ATG7: variants seen among roughly 807,000 people sequenced by gnomAD.
ATG7 encodes autophagy related 7, also known as ubiquitin-like modifier-activating enzyme ATG7.
A neutral mutation model predicts 82.4 loss-of-function variants in ATG7; 70 were observed. That is an observed-to-expected ratio of 0.85 (90% CI 0.70 to 1.04). The LOEUF is 1.04. Ranked by LOEUF, ATG7 falls within the 50% of genes least tolerant of loss-of-function variation. The pLI is 0.00. For synonymous variants in ATG7, 287 were observed against 313.0 expected, an observed-to-expected ratio of 0.92 and a Z score of 0.88; for missense variants, 792 against 864.3, an observed-to-expected ratio of 0.92 and a Z score of 1.05.
At chr3:11,509,678 G>C (rs1287859939) in intron 20 of ATG7, among the ~76,000 whole-genome samples, 1 of 151,956 alleles carries the variant, frequency 6.6e-6, no homozygotes, top group Non-Finnish European at 1.5e-5. Flanking sequence ...CTAATTTTAA[G>C]ATGTGATTCA....
intron 18 of ATG7, among the ~76,000 whole-genome samples, chr3:11,370,248 G>A (rs947077684): frequency 6.6e-6 from 1 of 151,162 alleles, no homozygotes. Context: ...GAGAGGGAGT[G>A]GTTGGGAAGA....
chr3:11,548,791 GC>G (rs139529560), intron 20 of ATG7, among the ~76,000 whole-genome samples: 29,832 of 152,078 alleles, frequency 0.2, 3,151 homozygotes, highest in Middle Eastern at 0.26. Context: ...GGCCTCTTGG[GC>G]CTGTTCCCAG....
At chr3:11,512,938 A>G (rs2092128446) in intron 20 of ATG7, among the ~76,000 whole-genome samples, 1 of 152,142 alleles carries the variant, frequency 6.6e-6, no homozygotes, top group South Asian at 2.1e-4. Flanking sequence ...AAGTTCTCCA[A>G]GTCCCCACTA....
chr3:11,553,405 AATGG>A lies in ATG7; in HGVS notation c.2080-1399_2080-1396del, dbSNP rs2072021929. Among the ~76,000 whole-genome samples the A allele has an allele frequency of 8.1e-5, 9 of 110,670 alleles. No individual in the cohort carries two copies. In the South Asian group the frequency reaches 3.4e-3, roughly 42 times the overall value. The allele number at this position is 110,670 out of a possible 152,430, so 72.6% of individuals were successfully genotyped here. A position where few individuals can be genotyped will look rare whatever the true frequency, so the allele number is the denominator to read the frequency against. ...TGTTCGTTGAATGGGAGAGTGAAAG[AATGG>A]ATGGATTGTGCTGGCAAACCCTCCA... On this transcript the variant is annotated intron_variant, in intron 20 of 20. Transcript: ENST00000693202.
intron 20 of ATG7, among the ~76,000 whole-genome samples, chr3:11,550,282 G>A (rs987608905): frequency 2.0e-5 from 3 of 151,674 alleles, no homozygotes; most frequent in African/African-American, 7.3e-5. Flanking sequence ...CCTTTATTAT[G>A]AGTAGGGCTG....
the ATG7 span, among the ~76,000 whole-genome samples, chr3:11,570,455 C>T: frequency 1.3e-5 from 2 of 152,200 alleles, no homozygotes; most frequent in Non-Finnish European, 2.9e-5. Flanking sequence ...CAGGGGACCC[C>T]GGTCCCTGGC....
chr3:11,338,766 G>A lies in ATG7; in HGVS notation c.890-1879G>A, dbSNP rs193228294. ...TGTTTTCTGGCTTCTTGCTGTGAAT[G>A]ATACCCTCAGCCAAACTGGGGCCCA... On this transcript the variant is annotated intron_variant, in intron 11 of 20. Coordinates refer to ENST00000693202, the MANE Select transcript of ATG7 (RefSeq NM_001349232.2). 9.8e-5 allele frequency among the ~76,000 whole-genome samples: 15 copies of A among 152,330 alleles called. No homozygotes were observed. In the East Asian group the frequency reaches 2.9e-3, roughly 29 times the overall value.
intron 19 of ATG7, among the ~76,000 whole-genome samples, chr3:11,401,466 C>T (rs1486257846): frequency 6.6e-6 from 1 of 152,146 alleles, no homozygotes; most frequent in Admixed American, 6.5e-5. Flanking sequence ...AAGTGAGATT[C>T]GTATATAACA....
chr3:11,379,579 G>A (rs1202043148), intron 18 of ATG7, among the ~76,000 whole-genome samples: 1 of 152,140 alleles, frequency 6.6e-6, no homozygotes, highest in East Asian at 1.9e-4. Context: ...ATAGAAATGT[G>A]TATTTACCCC....
Position 11,313,436 on chromosome 3 carries a change from CA to C in ATG7, c.528+20del. The C allele has an allele frequency of 6.5e-7, 1 of 1,549,966 alleles. No individual in the cohort carries two copies. The highest frequency in any genetic ancestry group is 8.9e-7 in the Non-Finnish European group (1 of 1,129,882). On this transcript the variant is annotated intron_variant, in intron 8 of 20. Coordinates refer to ENST00000693202, the MANE Select transcript of ATG7 (RefSeq NM_001349232.2). Reference sequence around the variant, plus strand: ...ACTAAAACAGGTATCAACAAATAACCAAAATGCACATAAAATTGGGTTGAAT... The same window carrying C: ...ACTAAAACAGGTATCAACAAATAACCAAATGCACATAAAATTGGGTTGAAT...
intron 19 of ATG7, among the ~76,000 whole-genome samples, chr3:11,419,511 G>A (rs186009549): frequency 2.1e-3 from 322 of 152,190 alleles, no homozygotes; most frequent in Non-Finnish European, 3.6e-3. Flanking sequence ...CCAAGATCAC[G>A]TCACTGTACT....
chr3:11,559,598 C>T (rs574607644), downstream of ATG7: 2 of 1,291,114 alleles, frequency 1.5e-6, no homozygotes, highest in South Asian at 3.4e-5. Context: ...TACTGGAGTC[C>T]TGTTGCTAAA....
At chr3:11,562,374 TG>T (rs1287662338), downstream of ATG7, among the ~76,000 whole-genome samples, 1 of 152,170 alleles carries the variant, frequency 6.6e-6, no homozygotes, top group African/African-American at 2.4e-5. Context: ...CCCAGAGATC[TG>T]AGACACATTT....
At chr3:11,445,615 G>A (rs1466973773) in intron 20 of ATG7, among the ~76,000 whole-genome samples, 1 of 152,092 alleles carries the variant, frequency 6.6e-6, no homozygotes, top group Non-Finnish European at 1.5e-5. Flanking sequence ...TAATCTGTAC[G>A]ACAAGTCCCC....
intron 19 of ATG7, among the ~76,000 whole-genome samples, chr3:11,422,258 G>A (rs562336774): frequency 4.7e-4 from 72 of 152,292 alleles, no homozygotes; most frequent in African/African-American, 1.6e-3. Context: ...ACTAGAAGAC[G>A]GTTTCATCTA....
intron 20 of ATG7, among the ~76,000 whole-genome samples, chr3:11,462,037 AAAAG>A (rs1005647568): frequency 2.0e-5 from 3 of 151,884 alleles, no homozygotes; most frequent in East Asian, 3.9e-4. Context: ...TCTCCAAAAA[AAAAG>A]AAAGAAAGAT....
chr3:11,419,363 G>C (rs2081717605), intron 19 of ATG7, among the ~76,000 whole-genome samples: 1 of 152,092 alleles, frequency 6.6e-6, no homozygotes, highest in African/African-American at 2.4e-5. Flanking sequence ...AGACGAGCCT[G>C]GGCAACATGG....
At chr3:11,559,496 A>C, downstream of ATG7, 1 of 1,508,644 alleles carries the variant, frequency 6.6e-7, no homozygotes. Flanking sequence ...GACCAGCTTC[A>C]GTACCGGGCA....
chr3:11,397,416 G>A (rs1261159874), intron 19 of ATG7, among the ~76,000 whole-genome samples: 2 of 129,166 alleles, frequency 1.5e-5, no homozygotes, highest in Non-Finnish European at 3.2e-5. Flanking sequence ...TTAATAACAT[G>A]TCTATAAAAT....
Sources: gnomAD v4.1 joint callset for allele counts (sites outside exome capture counted in the v4.1 genomes callset) on GRCh38, gnomAD v4.1.1 for gene constraint, MANE v1.5 for transcripts, NCBI Gene and HGNC (gene_info 2026-07-23, HGNC 2026-07-21) for gene names.